The following PDZK1IP1 variants were observed in gnomAD, a reference collection of about 807,000 sequenced individuals.
The protein encoded by PDZK1IP1 is PDZK1-interacting protein 1.
Under a neutral mutation model 14.7 loss-of-function variants are expected in PDZK1IP1, and 9 were observed. That is an observed-to-expected ratio of 0.61 (90% CI 0.37 to 1.07). PDZK1IP1 has a LOEUF of 1.07. PDZK1IP1 is among the 50% of genes least tolerant of loss of function. The pLI is 0.01. For missense variants in PDZK1IP1, 152 were observed against 148.7 expected (o/e 1.02, Z -0.11); for synonymous variants, 70 against 61.2 (o/e 1.14, Z -0.67).
intron 1 of PDZK1IP1, among the ~76,000 whole-genome samples, chr1:47,188,505 G>A (rs1250330720): frequency 2.6e-5 from 4 of 152,322 alleles, no homozygotes; most frequent in Non-Finnish European, 2.9e-5. Flanking sequence ...GGTCAGCAGG[G>A]GGCTTCAGAG....
intron 2 of PDZK1IP1, chr1:47,185,378 C>A: frequency 2.5e-6 from 1 of 407,162 alleles, no homozygotes; most frequent in Non-Finnish European, 4.6e-6. Flanking sequence ...ACAGCAGGCC[C>A]TGCAGGATGC....
chr1:47,187,182 G>C, intron 2 of PDZK1IP1, 137 bp downstream of exon 2: 2 of 639,726 alleles, frequency 3.1e-6, no homozygotes, highest in South Asian at 3.7e-5. Flanking sequence ...ATGACCTTGA[G>C]CCTCAGTTTC....
intron 2 of PDZK1IP1, 27 bp from the exon 3 acceptor site, chr1:47,185,124 T>TCATCAGTGGGGCC (rs1250119237): frequency 6.3e-7 from 1 of 1,580,320 alleles, no homozygotes; most frequent in African/African-American, 1.3e-5. Context: ...TCAGTGGGGC[T>TCATCAGTGGGGCC]CCTCAGTGGG....
At chr1:47,185,190 G>A in intron 2 of PDZK1IP1, 93 bp from the exon 3 acceptor site, 1 of 918,672 alleles carries the variant, frequency 1.1e-6, no homozygotes, top group Admixed American at 1.8e-5. Flanking sequence ...AAGCCCGAAG[G>A]CTAGCAACTG....
In PDZK1IP1 at chr1:47,190,018, A is replaced by G; in HGVS notation, c.-86T>C. Reference sequence around the variant, plus strand: ...TGGAGTCTATTGGTGTCCGCCTGAAATCAACCTGGGCTCAGTCTGGCCCTG... The same window carrying G: ...TGGAGTCTATTGGTGTCCGCCTGAAGTCAACCTGGGCTCAGTCTGGCCCTG... On this transcript the variant is annotated 5_prime_UTR_variant, in exon 1 of 4. Coordinates refer to ENST00000294338, the MANE Select transcript of PDZK1IP1 (RefSeq NM_005764.4). 2 of 1,078,334 alleles carry G rather than the reference A, an allele frequency of 1.9e-6. No homozygotes were observed. The highest frequency in any genetic ancestry group is 2.8e-5 in the East Asian group (1 of 36,134). 66.8% of individuals were successfully genotyped at this position (1,078,334 alleles called of 1,614,324 possible).
chr1:47,185,404 T>G, intron 2 of PDZK1IP1: 1 of 348,600 alleles, frequency 2.9e-6, no homozygotes, highest in Non-Finnish European at 5.4e-6. Flanking sequence ...CTGCCCCAAA[T>G]TTCCCCAGCT....
chr1:47,183,876 G>T lies in PDZK1IP1; in HGVS notation c.*95C>A. On this transcript the variant is annotated 3_prime_UTR_variant, in exon 4 of 4. Coordinates refer to ENST00000294338, the MANE Select transcript of PDZK1IP1 (RefSeq NM_005764.4). ...GGCTGGAGGGAGTCAGCCCACTATTGCAGATTCCACACAAAGAAGGAGGGG... is the reference window on the plus strand; with the variant it reads ...GGCTGGAGGGAGTCAGCCCACTATTTCAGATTCCACACAAAGAAGGAGGGG... 9.4e-7 allele frequency: 1 copy of T among 1,065,812 alleles called. No individual in the cohort carries two copies. Among genetic ancestry groups the T allele is most frequent in the South Asian group, 1.4e-5 (1 of 72,056 alleles). The allele number at this position is 1,065,812 out of a possible 1,614,324, so 66.0% of individuals were successfully genotyped here. A position where few individuals can be genotyped will look rare whatever the true frequency, so the allele number is the denominator to read the frequency against.
At chr1:47,184,879 C>T (rs1392154275) in intron 3 of PDZK1IP1, 123 bp downstream of exon 3, 4 of 743,186 alleles carry the variant, frequency 5.4e-6, no homozygotes, top group South Asian at 4.8e-5. Flanking sequence ...CCCCCATTGC[C>T]TCACTAGCTT....
In PDZK1IP1 at chr1:47,183,989, G is replaced by T; in HGVS notation, c.327C>A (p.Val109=). The stretch of plus-strand genomic sequence containing the variant: ...GAGAAGGTTACATCGGGGTGCTGCG[G>T]ACCTTGCCTTCCTCCTCGGGCACAT... ...YENVPEEEGK[V]RSTPM The change falls in exon 4 of 4, where the codon GTC becomes GTA. Residue 109 remains valine (V), a synonymous_variant. Coordinates refer to ENST00000294338, the MANE Select transcript of PDZK1IP1 (RefSeq NM_005764.4). 1 of 1,598,370 alleles carries T rather than the reference G, an allele frequency of 6.3e-7. No individual in the cohort carries two copies. The highest frequency in any genetic ancestry group is 8.5e-7 in the Non-Finnish European group (1 of 1,171,672).
intron 2 of PDZK1IP1, 193 bp from the exon 3 acceptor site, chr1:47,185,290 G>C (rs1321195397): frequency 3.4e-6 from 2 of 582,702 alleles, no homozygotes; most frequent in Non-Finnish European, 6.2e-6. Flanking sequence ...ACTCCATAGT[G>C]GGGGGCCAAA....
chr1:47,187,441 A>AG lies in PDZK1IP1; in HGVS notation c.68-15dup, dbSNP rs1645327186. 2 of 1,602,866 alleles carry AG rather than the reference A, an allele frequency of 1.2e-6. No homozygotes were observed. The highest frequency in any genetic ancestry group is 4.5e-5 in the East Asian group (2 of 44,820). On this transcript the variant is annotated splice_polypyrimidine_tract_variant and intron_variant, in intron 1 of 3. Transcript: ENST00000294338. ...GGTTCCCCAGGCCTAACAAAGGGAG[A>AG]GGGGCTGTAGCAGACGGGGCCACAG...
rs1410533868 is a variant in PDZK1IP1 at position 47,189,144 on chromosome 1, G to A, written c.67+722C>T. Among the ~76,000 whole-genome samples, 7 of 152,122 alleles carry A rather than the reference G, an allele frequency of 4.6e-5. No homozygotes were observed. In the East Asian group the frequency reaches 9.7e-4, roughly 21 times the overall value. ...TTGAAGCAGACACACATAAGAGCTC[G>A]GGGTGGGGGTGGGAGGGGAGCTCTG... is the stretch of plus-strand genomic sequence containing the variant. On this transcript the variant is annotated intron_variant, in intron 1 of 3. Transcript: ENST00000294338.
intron 3 of PDZK1IP1, among the ~76,000 whole-genome samples, chr1:47,184,537 C>A (rs1569851456): frequency 1.1e-5 from 1 of 87,260 alleles, no homozygotes; most frequent in African/African-American, 4.8e-5. Flanking sequence ...GAGCTCCATC[C>A]CCCACTGAGC....
rs369958859 is a variant in PDZK1IP1, at chr1:47,187,389, C to T, written c.106G>A (p.Ala36Thr). ...ACGAGGACCAGGAACACGGCCACCG[C>T]GATAAGGCCCTGCATCCAGGGCTGA... ...NLQPWMQGLI[A>T]VAVFLVLVAI... The change falls in exon 2 of 4, where the codon GCG becomes ACG. Residue 36 changes from alanine (A) to threonine (T), a missense_variant. By Grantham distance (58) the Ala-to-Thr change is moderately conservative. Transcript: ENST00000294338. 2.7e-5 allele frequency: 44 copies of T among 1,612,686 alleles called. No individual in the cohort carries two copies. Among genetic ancestry groups the T allele is most frequent in the East Asian group, 1.8e-4 (8 of 44,886 alleles).
At chr1:47,185,203 C>T in intron 2 of PDZK1IP1, 106 bp from the exon 3 acceptor site, 1 of 823,550 alleles carries the variant, frequency 1.2e-6, no homozygotes, top group Non-Finnish European at 2.1e-6. Context: ...AGCAACTGCC[C>T]TTCCCAGAGC....
At position 47,187,421 on chromosome 1, in the gene PDZK1IP1, C is replaced by G. The variant is rs1228416093; in HGVS notation, c.74G>C (p.Gly25Ala). 1 of 1,612,360 alleles carries G rather than the reference C, an allele frequency of 6.2e-7. No homozygotes were observed. Among genetic ancestry groups the G allele is most frequent in the African/African-American group, 1.3e-5 (1 of 74,916 alleles). Residue 25 changes from glycine (G) to alanine (A), a missense_variant, in exon 2 of 4, where the codon GGG becomes GCG. Transcript: ENST00000294338. ...VPPASCQQGL[G>A]NLQPWMQGLI... ...GCCCTGCATCCAGGGCTGAAGGTTC[C>G]CCAGGCCTAACAAAGGGAGAGGGGC...
chr1:47,183,595 G>GTCGCCGTATCATTAAAAAA lies in PDZK1IP1; in HGVS notation c.*375_*376insTTTTTTAATGATACGGCGA. 8.9e-6 allele frequency: 2 copies of GTCGCCGTATCATTAAAAAA among 225,400 alleles called. No individual in the cohort carries two copies. Among genetic ancestry groups the GTCGCCGTATCATTAAAAAA allele is most frequent in the Non-Finnish European group, 1.8e-5 (2 of 113,880 alleles). The allele number at this position is 225,400 out of a possible 1,614,324, so 14.0% of individuals were successfully genotyped here. A position where few individuals can be genotyped will look rare whatever the true frequency, so the allele number is the denominator to read the frequency against. On this transcript the variant is annotated 3_prime_UTR_variant, in exon 4 of 4. Transcript: ENST00000294338. The stretch of plus-strand genomic sequence containing the variant: ...CAGAAAGCAAGATGGGGACTCACTG[G>GTCGCCGTATCATTAAAAAA]AAGCCTGAGGGGCTGTTGCTGAGCC...
Position 47,183,928 on chromosome 1 carries a change from T to A in PDZK1IP1, c.*43A>T. 22 of 1,496,268 alleles carry A rather than the reference T, an allele frequency of 1.5e-5. No individual in the cohort carries two copies. The highest frequency in any genetic ancestry group is 1.9e-5 in the Non-Finnish European group (21 of 1,089,650). The allele number at this position is 1,496,268 out of a possible 1,614,324, so 92.7% of individuals were successfully genotyped here. A position where few individuals can be genotyped will look rare whatever the true frequency, so the allele number is the denominator to read the frequency against. On this transcript the variant is annotated 3_prime_UTR_variant, in exon 4 of 4. Coordinates refer to ENST00000294338, the MANE Select transcript of PDZK1IP1 (RefSeq NM_005764.4). ...CTTGGGTGGTAGCACTGGACATCCA[T>A]CCCATGTGCCTGGGAGTCTTGGGGT...
rs1465033590 is a variant in PDZK1IP1 at position 47,189,870 on chromosome 1, C to T, written c.63G>A (p.Gln21=). Reference sequence around the variant, plus strand: ...AGCCCTCTCCTCCTGAGCTACCTTGCTGACAGCTGGCAGGTGGCACTGCCG... The same window carrying T: ...AGCCCTCTCCTCCTGAGCTACCTTGTTGACAGCTGGCAGGTGGCACTGCCG... ...LLTAVPPASC[Q]QGLGNLQPWM... Residue 21 remains glutamine, a synonymous_variant, in exon 1 of 4, where the codon CAG becomes CAA. Transcript: ENST00000294338. 4 of 1,594,998 alleles carry T rather than the reference C, an allele frequency of 2.5e-6. No individual in the cohort carries two copies. In the South Asian group the frequency reaches 3.4e-5, roughly 13 times the overall value.
Sources: allele counts gnomAD v4.1 joint callset (sites outside exome capture counted in the v4.1 genomes callset), GRCh38; gene constraint gnomAD v4.1.1; transcripts MANE v1.5; gene names NCBI Gene and HGNC (gene_info 2026-07-23, HGNC 2026-07-21).